MRRF: variants seen among roughly 807,000 people sequenced by gnomAD.
MRRF encodes the protein mitochondrial ribosome recycling factor, also known as ribosome-recycling factor, mitochondrial.
In MRRF, 18 loss-of-function variants were observed where a neutral mutation model predicts 25.1. That is an observed-to-expected ratio of 0.72 (90% CI 0.50 to 1.06). The LOEUF is 1.06. Ranked by LOEUF, MRRF falls within the 50% of genes least tolerant of loss-of-function variation. The pLI, the probability that MRRF is intolerant of heterozygous loss-of-function variation, is 0.00. For missense variants in MRRF, 323 were observed against 319.3 expected (o/e 1.01, Z -0.09); for synonymous variants, 113 against 112.1 (o/e 1.01, Z -0.05).
rs571717714 is a variant in MRRF at position 122,265,785 on chromosome 9, G to A, written c.-29+847G>A. On this transcript the variant is annotated intron_variant, in intron 1 of 6. Coordinates refer to ENST00000344641, the MANE Select transcript of MRRF (RefSeq NM_138777.5). ...CAGATGGCAGGGAGTGATAAGGTAG[G>A]CATACTGGAATCCAGATCTCTTAAC... 2.9e-5 allele frequency: 37 copies of A among 1,285,564 alleles called. 1 individual carries two copies. In the South Asian group the frequency reaches 3.8e-4, roughly 13 times the overall value. 79.6% of individuals were successfully genotyped at this position (1,285,564 alleles called of 1,614,324 possible). A position where few individuals can be genotyped will look rare whatever the true frequency, so the allele number is the denominator to read the frequency against.
intron 5 of MRRF, among the ~76,000 whole-genome samples, chr9:122,303,036 A>G (rs377155546): frequency 6.6e-6 from 1 of 152,166 alleles, no homozygotes; most frequent in East Asian, 1.9e-4. Flanking sequence ...TGCCCATTTT[A>G]TAATTGGATT....
chr9:122,275,502 G>A (rs1331111011), intron 2 of MRRF, among the ~76,000 whole-genome samples: 1 of 152,134 alleles, frequency 6.6e-6, no homozygotes, highest in Non-Finnish European at 1.5e-5. Flanking sequence ...AGGCATGGTG[G>A]CATGCGCCTG....
At chr9:122,313,490 A>T in intron 6 of MRRF, 104 bp downstream of exon 6, 1 of 1,261,800 alleles carries the variant, frequency 7.9e-7, no homozygotes, top group Non-Finnish European at 1.2e-6. Context: ...CTGATCTTTC[A>T]TTCACATTAT....
intron 1 of MRRF, among the ~76,000 whole-genome samples, chr9:122,267,753 A>G (rs1055113155): frequency 3.9e-4 from 59 of 152,352 alleles, no homozygotes; most frequent in African/African-American, 1.3e-3. Context: ...CAGGGTTATC[A>G]TGAGGCTGAA....
intron 5 of MRRF, among the ~76,000 whole-genome samples, chr9:122,293,389 G>A (rs1833893752): frequency 6.6e-6 from 1 of 152,172 alleles, no homozygotes. Context: ...TGCTGAAGCT[G>A]GGACCCAAAC....
In MRRF at chr9:122,328,942, G is replaced by C. The variant is rs1009307807; in HGVS notation, c.*6325G>C. 3 of 152,110 alleles carry C rather than the reference G, an allele frequency of 2.0e-5. No individual in the cohort carries two copies. Among genetic ancestry groups the C allele is most frequent in the Non-Finnish European group, 4.4e-5 (3 of 68,030 alleles). 9.4% of individuals were successfully genotyped at this position (152,110 alleles called of 1,614,324 possible). A position where few individuals can be genotyped will look rare whatever the true frequency, so the allele number is the denominator to read the frequency against. On this transcript the variant is annotated 3_prime_UTR_variant, in exon 7 of 7. Coordinates refer to ENST00000344641, the MANE Select transcript of MRRF (RefSeq NM_138777.5). ...GGGTTCAAGTGATCCTGGAACTGCAGATATGCACAGCTGTGCCCGAAGATC... is the reference window on the plus strand; with the variant it reads ...GGGTTCAAGTGATCCTGGAACTGCACATATGCACAGCTGTGCCCGAAGATC...
intron 5 of MRRF, among the ~76,000 whole-genome samples, chr9:122,310,419 T>C (rs1835129742): frequency 6.6e-6 from 1 of 152,212 alleles, no homozygotes. Context: ...GATGTACCCT[T>C]TTCAGCTTCA....
rs567349299 is a variant in MRRF at position 122,289,332 on chromosome 9, G to A, written c.460-2417G>A. Among the ~76,000 whole-genome samples the A allele has an allele frequency of 1.6e-4, 25 of 152,256 alleles. No individual in the cohort carries two copies. The South Asian group carries it at 5.2e-3, about 32-fold the overall frequency. ...TTACTGAGCACTTACCATGTACCTG[G>A]CACTCTAACTTGTACTGGGAAGATG... On this transcript the variant is annotated intron_variant, in intron 4 of 6. Transcript: ENST00000344641.
At chr9:122,291,725 T>G (rs1214090877) in intron 4 of MRRF, 24 bp from the exon 5 acceptor site, 1 of 1,538,796 alleles carries the variant, frequency 6.5e-7, no homozygotes, top group African/African-American at 1.4e-5. Flanking sequence ...ACTAATTCTG[T>G]TTACCTTTTG....
At chr9:122,265,767 C>T in intron 1 of MRRF, 4 of 1,288,622 alleles carry the variant, frequency 3.1e-6, no homozygotes, top group Non-Finnish European at 4.0e-6. Flanking sequence ...TGGCAGATGG[C>T]AGGGAGTGAT....
At chr9:122,274,486 G>A (rs1156810742) in intron 2 of MRRF, among the ~76,000 whole-genome samples, 4 of 150,936 alleles carry the variant, frequency 2.7e-5, no homozygotes, top group African/African-American at 9.8e-5. Context: ...GCAAAACCCG[G>A]CCCCTTGCGT....
chr9:122,311,462 A>G (rs1835202459), intron 5 of MRRF, among the ~76,000 whole-genome samples: 1 of 152,224 alleles, frequency 6.6e-6, no homozygotes, highest in African/African-American at 2.4e-5. Flanking sequence ...GGACACGATT[A>G]CATGTGGAAA....
chr9:122,305,867 C>A (rs1341047542), intron 5 of MRRF, among the ~76,000 whole-genome samples: 4 of 152,298 alleles, frequency 2.6e-5, no homozygotes, highest in Admixed American at 1.3e-4. Context: ...TCAAACAGAG[C>A]CTAGCATGTA....
At position 122,326,106 on chromosome 9, in the gene MRRF, ATT is replaced by A. The variant is rs71508158; in HGVS notation, c.*3507_*3508del. On this transcript the variant is annotated 3_prime_UTR_variant, in exon 7 of 7. Transcript: ENST00000344641. ...GAGCCACTCTGCCTGGCCATATATA[ATT>A]TTTTTTTTTTTTTTTTTGCAATGGA... The A allele has an allele frequency of 3.9e-4, 46 of 116,886 alleles. No individual in the cohort carries two copies. Among genetic ancestry groups the A allele is most frequent in the Admixed American group, 6.3e-4 (7 of 11,098 alleles). The allele number at this position is 116,886 out of a possible 1,614,324, so 7.2% of individuals were successfully genotyped here. A position where few individuals can be genotyped will look rare whatever the true frequency, so the allele number is the denominator to read the frequency against.
At chr9:122,313,164 A>T in intron 5 of MRRF, 63 bp from the exon 6 acceptor site, 1 of 1,524,992 alleles carries the variant, frequency 6.6e-7, no homozygotes, top group Non-Finnish European at 9.0e-7. Flanking sequence ...GAGTGATGTT[A>T]AATTCTTGGC....
intron 1 of MRRF, among the ~76,000 whole-genome samples, chr9:122,267,299 T>C (rs2119009414): frequency 6.7e-6 from 1 of 149,824 alleles, no homozygotes; most frequent in East Asian, 2.0e-4. Context: ...GAGAATCCCC[T>C]GAACCTGGAA....
chr9:122,300,141 T>C (rs1400767811), intron 5 of MRRF, among the ~76,000 whole-genome samples: 1 of 152,152 alleles, frequency 6.6e-6, no homozygotes, highest in Non-Finnish European at 1.5e-5. Flanking sequence ...TGAGCAAAGA[T>C]TGCCCCTACA....
intron 2 of MRRF, among the ~76,000 whole-genome samples, chr9:122,274,742 T>C (rs1832674695): frequency 6.6e-6 from 1 of 152,188 alleles, no homozygotes. Context: ...AGATTTCTAC[T>C]ATTTTTATAG....
chr9:122,316,422 C>T (rs893514502), intron 6 of MRRF, among the ~76,000 whole-genome samples: 6 of 152,106 alleles, frequency 3.9e-5, no homozygotes, highest in Non-Finnish European at 8.8e-5. Flanking sequence ...ATGATCCGCC[C>T]ACCTCAGCCC....
Sources: gnomAD v4.1 joint callset for allele counts (sites outside exome capture counted in the v4.1 genomes callset) on GRCh38, gnomAD v4.1.1 for gene constraint, MANE v1.5 for transcripts, NCBI Gene and HGNC (gene_info 2026-07-23, HGNC 2026-07-21) for gene names.